The following LINGO2 variants were observed in gnomAD, a reference collection of about 807,000 sequenced individuals.
LINGO2 encodes leucine rich repeat and Ig domain containing 2.
Under a neutral mutation model 30.6 loss-of-function variants are expected in LINGO2, and 14 were observed. The ratio of observed to expected loss-of-function variants is 0.46; its 90% CI spans 0.30 to 0.72. The LOEUF (loss-of-function observed/expected upper bound fraction) is 0.72, where lower values mean the gene tolerates loss of function less well. Among genes scored for constraint, LINGO2 ranks in the 30% least tolerant of loss-of-function variants. LINGO2 has a pLI of 0.07. For synonymous variants in LINGO2, 317 were observed against 288.5 expected, an observed-to-expected ratio of 1.10 and a Z score of -1.00; for missense variants, 729 against 751.7, an observed-to-expected ratio of 0.97 and a Z score of 0.35.
At chr9:28,108,823 G>A (rs142564187) in intron 4 of LINGO2, among the ~76,000 whole-genome samples, 184 of 152,128 alleles carry the variant, frequency 1.2e-3, no homozygotes, top group Non-Finnish European at 2.5e-3. Context: ...TCCATGTTTT[G>A]TAGATGAGGA....
Position 28,475,245 on chromosome 9 carries a change from T to C in LINGO2, c.-279+695A>G, listed in dbSNP as rs75159590. Among the ~76,000 whole-genome samples the C allele has an allele frequency of 5.5e-3, 840 of 152,304 alleles. 38 individuals are homozygous for C. In the East Asian group the frequency reaches 0.094, roughly 17 times the overall value. On this transcript the variant is annotated intron_variant, in intron 2 of 5. Coordinates refer to ENST00000379992, the Ensembl canonical transcript of LINGO2. ...ATATAAATATACAGTCATCATATAC[T>C]AAGTAATAATTATTTGTGAAGTAGC... is the stretch of plus-strand genomic sequence containing the variant.
intron 5 of LINGO2, among the ~76,000 whole-genome samples, chr9:27,956,577 T>C (rs1328604953): frequency 6.6e-6 from 1 of 152,190 alleles, no homozygotes; most frequent in Non-Finnish European, 1.5e-5. Context: ...TTTTTAATGA[T>C]TTGTCCTTTT....
chr9:28,712,606 A>T, the LINGO2 span, among the ~76,000 whole-genome samples: 3 of 151,704 alleles, frequency 2.0e-5, no homozygotes, highest in Admixed American at 2.0e-4. Context: ...ACTTTGTATG[A>T]CTACAATAAG....
At chr9:28,892,516 G>A in the LINGO2 span, among the ~76,000 whole-genome samples, 112 of 151,958 alleles carry the variant, frequency 7.4e-4, 1 homozygote, top group Non-Finnish European at 1.0e-3. Flanking sequence ...AATAATCCAT[G>A]TTTCATGAAA....
intron 1 of LINGO2, among the ~76,000 whole-genome samples, chr9:28,506,704 T>C (rs1240291784): frequency 1.3e-5 from 2 of 151,210 alleles, no homozygotes; most frequent in African/African-American, 2.4e-5. Context: ...CACTGATATA[T>C]ATCACACAGA....
the LINGO2 span, among the ~76,000 whole-genome samples, chr9:29,079,317 T>C: frequency 6.6e-6 from 1 of 151,984 alleles, no homozygotes; most frequent in Admixed American, 6.6e-5. Flanking sequence ...TGTCCTTCTA[T>C]GAATCAATCA....
chr9:28,997,156 T>C, the LINGO2 span, among the ~76,000 whole-genome samples: 2 of 152,138 alleles, frequency 1.3e-5, no homozygotes, highest in Non-Finnish European at 2.9e-5. Context: ...AGGACAGGCA[T>C]GGTGGCTCAC....
chr9:28,027,636 T>C, intron 4 of LINGO2, among the ~76,000 whole-genome samples: 1 of 151,460 alleles, frequency 6.6e-6, no homozygotes, highest in East Asian at 2.0e-4. Flanking sequence ...TACTCAACCT[T>C]TCTGTGTTCC....
intron 2 of LINGO2, among the ~76,000 whole-genome samples, chr9:28,404,324 GA>G (rs1218534810): frequency 1.3e-5 from 2 of 149,856 alleles, no homozygotes; most frequent in East Asian, 3.9e-4. Flanking sequence ...TTCTCCAAAT[GA>G]TTCGTGGTAG....
the LINGO2 span, among the ~76,000 whole-genome samples, chr9:28,697,320 CA>C: frequency 2.0e-5 from 3 of 151,750 alleles, no homozygotes; most frequent in African/African-American, 7.3e-5. Context: ...TTCTGGCCAG[CA>C]AATCTTCTGG....
intron 4 of LINGO2, among the ~76,000 whole-genome samples, chr9:28,161,375 T>C (rs1828280588): frequency 1.3e-5 from 2 of 152,158 alleles, no homozygotes; most frequent in African/African-American, 4.8e-5. Context: ...TTTAGTATCA[T>C]TATTTCATTG....
At chr9:28,216,277 C>T (rs1444230986) in intron 4 of LINGO2, among the ~76,000 whole-genome samples, 1 of 151,898 alleles carries the variant, frequency 6.6e-6, no homozygotes, top group African/African-American at 2.4e-5. Context: ...TTGCAGATGA[C>T]ATTTTCAACT....
intron 4 of LINGO2, among the ~76,000 whole-genome samples, chr9:28,292,953 T>C (rs1169322429): frequency 6.6e-6 from 1 of 151,818 alleles, no homozygotes; most frequent in Non-Finnish European, 1.5e-5. Context: ...TTTGTATTTT[T>C]AGTAGAGACG....
Position 28,221,294 on chromosome 9 carries a change from C to T in LINGO2, c.-87+73914G>A, listed in dbSNP as rs1227395773. ...CAGCCTGGGTGACAGAGCCAGACCC[C>T]GTCTAAAAAAAAAAAAAAAAAAAAA... On this transcript the variant is annotated intron_variant, in intron 4 of 5. Transcript: ENST00000379992. 1.1e-4 allele frequency among the ~76,000 whole-genome samples: 10 copies of T among 87,224 alleles called. 1 individual carries two copies. Among genetic ancestry groups the T allele is most frequent in the African/African-American group, 2.7e-4 (6 of 22,268 alleles). The allele number at this position is 87,224 out of a possible 152,430, so 57.2% of individuals were successfully genotyped here.
chr9:28,173,842 G>A (rs1286792636), intron 4 of LINGO2, among the ~76,000 whole-genome samples: 4 of 152,144 alleles, frequency 2.6e-5, no homozygotes, highest in Non-Finnish European at 5.9e-5. Context: ...ATTTTCCCAT[G>A]TCTTTTAGGG....
the LINGO2 span, among the ~76,000 whole-genome samples, chr9:28,736,944 T>A: frequency 6.6e-6 from 1 of 152,160 alleles, no homozygotes; most frequent in South Asian, 2.1e-4. Flanking sequence ...TGTGGTAAAT[T>A]GCTATAAAAC....
intron 4 of LINGO2, among the ~76,000 whole-genome samples, chr9:28,267,218 T>C (rs188196600): frequency 1.3e-5 from 2 of 152,158 alleles, no homozygotes; most frequent in African/African-American, 4.8e-5. Context: ...TTTTGTGTTG[T>C]TGTTGTTGTT....
the LINGO2 span, among the ~76,000 whole-genome samples, chr9:28,947,797 T>A: frequency 6.6e-6 from 1 of 151,784 alleles, no homozygotes; most frequent in African/African-American, 2.4e-5. Context: ...ACCAACATAT[T>A]AAGAATCACT....
chr9:28,624,236 T>A (rs1271658827), intron 1 of LINGO2, among the ~76,000 whole-genome samples: 4 of 152,104 alleles, frequency 2.6e-5, no homozygotes, highest in Non-Finnish European at 4.4e-5. Flanking sequence ...GAAATGGGTA[T>A]CCTTGTTGTA....
Sources: gnomAD v4.1 joint callset for allele counts (sites outside exome capture counted in the v4.1 genomes callset) on GRCh38, gnomAD v4.1.1 for gene constraint, MANE v1.5 for transcripts, NCBI Gene and HGNC (gene_info 2026-07-23, HGNC 2026-07-21) for gene names.